Variants in RPA3 observed in about 807,000 individuals in gnomAD.
RPA3 encodes the protein replication protein A 14 kDa subunit.
RPA3 carries 24 observed loss-of-function variants against 13.7 expected under a neutral mutation model. The ratio of observed to expected loss-of-function variants is 1.75; its 90% CI spans 1.27 to 2.46. The LOEUF (loss-of-function observed/expected upper bound fraction) is 2.46, where lower values mean the gene tolerates loss of function less well. Among genes scored for constraint, RPA3 ranks in the 30% most tolerant of loss-of-function variants. The pLI is 0.00. For missense variants in RPA3, 183 were observed against 151.0 expected (o/e 1.21, Z -1.11); for synonymous variants, 59 against 51.2 (o/e 1.15, Z -0.65).
intron 4 of RPA3, among the ~76,000 whole-genome samples, chr7:7,662,090 G>T (rs533678463): frequency 1.3e-5 from 2 of 152,128 alleles, no homozygotes; most frequent in Middle Eastern, 3.2e-3. Flanking sequence ...GATCTTTCCC[G>T]GCATCTTTGT....
chr7:7,692,587 T>C (rs1780198201), intron 2 of RPA3: 1 of 152,196 alleles, frequency 6.6e-6, no homozygotes, highest in African/African-American at 2.4e-5. Flanking sequence ...TAATTTATCA[T>C]CAAAACACAA....
chr7:7,678,657 T>C (rs187647090), intron 4 of RPA3, among the ~76,000 whole-genome samples: 3,990 of 99,682 alleles, frequency 0.04, 71 homozygotes, highest in Admixed American at 0.063. Context: ...TATTTATATA[T>C]TTAGTTTATA....
intron 4 of RPA3, among the ~76,000 whole-genome samples, chr7:7,646,505 T>TA (rs1785099468): frequency 1.0e-4 from 14 of 136,960 alleles, no homozygotes; most frequent in South Asian, 2.3e-4. Flanking sequence ...TTTTTTTTTT[T>TA]AATTCTCTCG....
rs61323336 is a variant in RPA3 at position 7,679,393 on chromosome 7, A to G, written c.-758+6437T>C. ...TAGATAATATATATTTATATATTTA[A>G]TTTATAGATAATATATATTTATATA... On this transcript the variant is annotated intron_variant, in intron 4 of 7. Coordinates refer to ENST00000223129, the MANE Select transcript of RPA3 (RefSeq NM_002947.5). Among the ~76,000 whole-genome samples the G allele has an allele frequency of 4.3e-4, 4 of 9,384 alleles. 1 individual carries two copies. The highest frequency in any genetic ancestry group is 5.7e-4 in the Non-Finnish European group (4 of 6,994). 6.2% of individuals were successfully genotyped at this position (9,384 alleles called of 152,430 possible).
chr7:7,702,816 T>G (rs1780493530), intron 2 of RPA3, among the ~76,000 whole-genome samples: 1 of 152,200 alleles, frequency 6.6e-6, no homozygotes, highest in Non-Finnish European at 1.5e-5. Flanking sequence ...GTTTTTGGTT[T>G]GCCTTTTGTA....
chr7:7,661,984 C>G (rs1042828893), intron 4 of RPA3, among the ~76,000 whole-genome samples: 3 of 152,192 alleles, frequency 2.0e-5, no homozygotes, highest in Non-Finnish European at 4.4e-5. Context: ...GGGCTGCTGC[C>G]TTTCTTTCAG....
intron 2 of RPA3, among the ~76,000 whole-genome samples, chr7:7,709,311 A>G (rs1262937324): frequency 1.3e-5 from 2 of 152,236 alleles, no homozygotes; most frequent in African/African-American, 4.8e-5. Context: ...TGAACATTAG[A>G]AACTTGTTCA....
chr7:7,710,296 T>C (rs1035883376), intron 2 of RPA3, among the ~76,000 whole-genome samples: 6 of 152,174 alleles, frequency 3.9e-5, no homozygotes. Context: ...TCACACTTTA[T>C]GCAAAAATTG....
intron 4 of RPA3, among the ~76,000 whole-genome samples, chr7:7,680,395 C>T (rs973215400): frequency 1.3e-5 from 2 of 151,988 alleles, no homozygotes; most frequent in African/African-American, 4.8e-5. Flanking sequence ...TCCATTCGTC[C>T]ATGTGTCTGT....
intron 4 of RPA3, among the ~76,000 whole-genome samples, chr7:7,681,813 A>C (rs1015302661): frequency 6.6e-6 from 1 of 152,148 alleles, no homozygotes; most frequent in Non-Finnish European, 1.5e-5. Context: ...GTTGATTACA[A>C]ATTTACTAGT....
At chr7:7,671,254 A>G (rs1241452665) in intron 4 of RPA3, among the ~76,000 whole-genome samples, 1 of 152,030 alleles carries the variant, frequency 6.6e-6, no homozygotes, top group African/African-American at 2.4e-5. Context: ...TAATTCTTAG[A>G]TTTCCTGTAT....
intron 2 of RPA3, among the ~76,000 whole-genome samples, chr7:7,706,407 A>G (rs1780601134): frequency 2.0e-5 from 3 of 152,152 alleles, no homozygotes; most frequent in Admixed American, 2.0e-4. Flanking sequence ...GGAAATACCA[A>G]CAGAGCATGG....
chr7:7,706,912 G>T (rs945424848), intron 2 of RPA3, among the ~76,000 whole-genome samples: 1 of 152,162 alleles, frequency 6.6e-6, no homozygotes, highest in Non-Finnish European at 1.5e-5. Context: ...GGGTGGCTAA[G>T]ATCCTAACAG....
In RPA3 at chr7:7,696,655, A is replaced by G. The variant is rs112065722; in HGVS notation, c.-1027-9327T>C. On this transcript the variant is annotated intron_variant, in intron 2 of 7. Coordinates refer to ENST00000223129, the MANE Select transcript of RPA3 (RefSeq NM_002947.5). ...AGTAGCTCTCCCTCATACAGAACAA[A>G]TGACTCACATGCTCAAGCTAAATAA... Among the ~76,000 whole-genome samples, 458 of 152,210 alleles carry G rather than the reference A, an allele frequency of 3.0e-3. 1 individual carries two copies. Among genetic ancestry groups the G allele is most frequent in the African/African-American group, 0.011 (440 of 41,548 alleles).
At chr7:7,684,368 A>ATT (rs34916263) in intron 4 of RPA3, among the ~76,000 whole-genome samples, 7 of 146,074 alleles carry the variant, frequency 4.8e-5, no homozygotes, top group Non-Finnish European at 7.6e-5. Flanking sequence ...TTCCCGGCTA[A>ATT]TTTTTTTTTT....
chr7:7,668,747 A>C (rs1779532126), intron 4 of RPA3, among the ~76,000 whole-genome samples: 2 of 152,258 alleles, frequency 1.3e-5, no homozygotes, highest in South Asian at 4.1e-4. Flanking sequence ...TGTTAGTGAT[A>C]CATACATTTA....
At chr7:7,704,598 G>GA (rs35661728) in intron 2 of RPA3, among the ~76,000 whole-genome samples, 6,179 of 93,550 alleles carry the variant, frequency 0.066, 272 homozygotes, top group African/African-American at 0.13. Context: ...TACTAAAATA[G>GA]AAAAAAAAAA....
chr7:7,709,758 A>G (rs1780704582), intron 2 of RPA3, among the ~76,000 whole-genome samples: 1 of 151,714 alleles, frequency 6.6e-6, no homozygotes, highest in African/African-American at 2.4e-5. Flanking sequence ...TGCAAATCTC[A>G]ATTTGAAAAA....
intron 2 of RPA3, among the ~76,000 whole-genome samples, chr7:7,695,586 A>C (rs1288052701): frequency 6.6e-6 from 1 of 152,186 alleles, no homozygotes; most frequent in Non-Finnish European, 1.5e-5. Flanking sequence ...TGGCACTAGC[A>C]GCCGTAACAC....
Sources: allele counts gnomAD v4.1 joint callset (sites outside exome capture counted in the v4.1 genomes callset), GRCh38; gene constraint gnomAD v4.1.1; transcripts MANE v1.5; gene names NCBI Gene and HGNC (gene_info 2026-07-23, HGNC 2026-07-21).